GPM6B: variants seen among roughly 807,000 people sequenced by gnomAD.
GPM6B encodes the protein glycoprotein M6B.
Under a neutral mutation model 27.2 loss-of-function variants are expected in GPM6B, and 4 were observed. The ratio of observed to expected loss-of-function variants is 0.15; its 90% confidence interval spans 0.07 to 0.34. The LOEUF is 0.34. GPM6B is among the 10% of genes least tolerant of loss of function. GPM6B has a pLI of 1.00. For synonymous variants in GPM6B, 124 were observed against 103.1 expected, an observed-to-expected ratio of 1.20 and a Z score of -1.23; for missense variants, 183 against 261.9, an observed-to-expected ratio of 0.70 and a Z score of 2.08.
chrX:13,897,688 T>C (rs1302645943), intron 1 of GPM6B, among the ~76,000 whole-genome samples: 1 of 111,888 alleles, frequency 8.9e-6, no homozygotes, highest in Non-Finnish European at 1.9e-5. Flanking sequence ...ACTACTTCCC[T>C]ACCCAGCTGC....
chrX:13,778,444 C>A (rs1236916820), intron 5 of GPM6B, among the ~76,000 whole-genome samples: 1 of 112,403 alleles, frequency 8.9e-6, no homozygotes, highest in African/African-American at 3.2e-5. Flanking sequence ...CCCTGAGGCT[C>A]CTCTGCAATG....
chrX:13,782,372 G>A (rs943110330), intron 4 of GPM6B, among the ~76,000 whole-genome samples: 2 of 111,544 alleles, frequency 1.8e-5, no homozygotes, highest in Non-Finnish European at 3.8e-5. Flanking sequence ...ACTGTGTCCT[G>A]ACCAATGCTC....
chrX:13,875,582 G>C (rs994430319), intron 1 of GPM6B, among the ~76,000 whole-genome samples: 5 of 111,936 alleles, frequency 4.5e-5, no homozygotes, highest in Non-Finnish European at 9.4e-5. Context: ...ATGGTCACAG[G>C]AGCACTCTTC....
chrX:13,774,631 G>A (rs775123015), intron 7 of GPM6B: 1 of 1,189,459 alleles, frequency 8.4e-7, no homozygotes, highest in Non-Finnish European at 1.1e-6. Flanking sequence ...TCAGCTGGTG[G>A]AAGAGAACAA....
rs756254012 is a variant in GPM6B, at chrX:13,789,114, A to C, written c.182-3306T>G. ...AGAAGCTAGTGACATAAAATATGGG[A>C]AAAATTTATAGGACATAATACAGCT... is the stretch of plus-strand genomic sequence containing the variant. On this transcript the variant is annotated intron_variant, in intron 2 of 7. Transcript: ENST00000316715. Among the ~76,000 whole-genome samples, 5 of 112,157 alleles carry C rather than the reference A, an allele frequency of 4.5e-5. No homozygotes were observed. The South Asian group carries it at 1.9e-3, about 42-fold the overall frequency.
At chrX:13,810,616 C>A (rs1476066740) in intron 1 of GPM6B, among the ~76,000 whole-genome samples, 1 of 110,435 alleles carries the variant, frequency 9.1e-6, no homozygotes, top group African/African-American at 3.3e-5. Context: ...TGGGGTAAGT[C>A]TCCAGATGTT....
At chrX:13,812,043 TC>T (rs1569226148) in intron 1 of GPM6B, among the ~76,000 whole-genome samples, 139 of 82,505 alleles carry the variant, frequency 1.7e-3, no homozygotes, top group African/African-American at 2.9e-3. Flanking sequence ...ACTTTTCTTT[TC>T]TTTCTTTTTT....
intron 4 of GPM6B, chrX:13,780,922 G>T: frequency 3.1e-6 from 1 of 319,197 alleles, no homozygotes; most frequent in Non-Finnish European, 6.1e-6. Flanking sequence ...TACCTGGGCG[G>T]TTGGAGGCCA....
At chrX:13,923,149 T>G (rs1286956147) in intron 1 of GPM6B, among the ~76,000 whole-genome samples, 1 of 109,896 alleles carries the variant, frequency 9.1e-6, no homozygotes, top group Non-Finnish European at 1.9e-5. Context: ...GCACTCCAGC[T>G]TGGACAACAA....
At chrX:13,898,982 T>C (rs1336991341) in intron 1 of GPM6B, among the ~76,000 whole-genome samples, 5 of 112,117 alleles carry the variant, frequency 4.5e-5, no homozygotes, top group African/African-American at 1.6e-4. Context: ...ACATGCCTTT[T>C]CAACACAGGC....
intron 1 of GPM6B, among the ~76,000 whole-genome samples, chrX:13,865,280 G>A (rs2049896519): frequency 9.1e-6 from 1 of 110,177 alleles, no homozygotes; most frequent in African/African-American, 3.3e-5. Context: ...TAAAATACAG[G>A]TAGTAAACTC....
upstream of GPM6B, among the ~76,000 whole-genome samples, chrX:13,821,488 G>A (rs1032973924): frequency 3.5e-5 from 4 of 112,690 alleles, no homozygotes; most frequent in Non-Finnish European, 7.5e-5. Flanking sequence ...TATGGACATC[G>A]TCCTGGTCAG....
At chrX:13,880,520 CA>C (rs2050084267) in intron 1 of GPM6B, among the ~76,000 whole-genome samples, 2 of 108,231 alleles carry the variant, frequency 1.8e-5, no homozygotes, top group South Asian at 4.3e-4. Flanking sequence ...ACTAAAAATA[CA>C]AAAAATTAGC....
chrX:13,876,586 G>C (rs954222658), intron 1 of GPM6B, among the ~76,000 whole-genome samples: 1 of 111,810 alleles, frequency 8.9e-6, no homozygotes, highest in Non-Finnish European at 1.9e-5. Context: ...CACTGTGCAG[G>C]GCAGATGGTG....
At chrX:13,865,156 A>G (rs2049895001) in intron 1 of GPM6B, among the ~76,000 whole-genome samples, 2 of 111,274 alleles carry the variant, frequency 1.8e-5, no homozygotes, top group African/African-American at 6.5e-5. Context: ...CAAAGATTGC[A>G]TAGTGAAAAA....
At chrX:13,839,087 A>G (rs2049540411) in intron 1 of GPM6B, among the ~76,000 whole-genome samples, 1 of 111,669 alleles carries the variant, frequency 9.0e-6, no homozygotes, top group Non-Finnish European at 1.9e-5. Context: ...TGAGATGTTT[A>G]CCATCTAATC....
intron 1 of GPM6B, among the ~76,000 whole-genome samples, chrX:13,876,609 C>A (rs191315520): frequency 5.3e-4 from 59 of 111,532 alleles, no homozygotes; most frequent in Admixed American, 5.0e-3. Context: ...ATGGATCCAG[C>A]CAGATGGTCA....
chrX:13,795,926 ATTATT>A (rs1409834570), intron 2 of GPM6B, among the ~76,000 whole-genome samples: 3 of 106,195 alleles, frequency 2.8e-5, no homozygotes, highest in Non-Finnish European at 3.9e-5. Context: ...TTATTTATTT[ATTATT>A]TTATTTTATT....
intron 1 of GPM6B, among the ~76,000 whole-genome samples, chrX:13,911,801 G>T (rs1189503457): frequency 8.9e-6 from 1 of 112,158 alleles, no homozygotes; most frequent in East Asian, 2.8e-4. Context: ...ACTGCAGCAG[G>T]CTCTGCTATA....
Sources: allele counts gnomAD v4.1 joint callset (sites outside exome capture counted in the v4.1 genomes callset), GRCh38; gene constraint gnomAD v4.1.1; transcripts MANE v1.5; gene names NCBI Gene and HGNC (gene_info 2026-07-23, HGNC 2026-07-21).